KRT8: variants seen among roughly 807,000 people sequenced by gnomAD.
KRT8 encodes the protein keratin, type II cytoskeletal 8.
KRT8 carries 24 observed loss-of-function variants against 43.0 expected under a neutral mutation model. The ratio of observed to expected loss-of-function variants is 0.56; its 90% CI spans 0.40 to 0.78. The LOEUF is 0.78. Ranked by LOEUF, KRT8 falls within the 30% of genes least tolerant of loss-of-function variation. KRT8 has a pLI of 0.00. For missense variants in KRT8, 492 were observed against 638.4 expected, an observed-to-expected ratio of 0.77 and a Z score of 2.47; for synonymous variants, 214 against 261.2, an observed-to-expected ratio of 0.82 and a Z score of 1.74.
chr12:52,938,836 C>T (rs1942221779), intron 2 of KRT8, among the ~76,000 whole-genome samples: 1 of 152,040 alleles, frequency 6.6e-6, no homozygotes, highest in Non-Finnish European at 1.5e-5. Context: ...CCAGGATTGT[C>T]TTGATCTCCT....
chr12:52,910,918 T>C (rs931392540), upstream of KRT8, among the ~76,000 whole-genome samples: 8 of 152,284 alleles, frequency 5.3e-5, no homozygotes, highest in Non-Finnish European at 1.5e-5. Flanking sequence ...TGTATTCACC[T>C]TTTCATTTAT....
At chr12:52,943,348 G>A (rs1412035784) in intron 2 of KRT8, among the ~76,000 whole-genome samples, 1 of 152,124 alleles carries the variant, frequency 6.6e-6, no homozygotes, top group African/African-American at 2.4e-5. Flanking sequence ...TGATCCTTTT[G>A]TGCACCTGGC....
At chr12:52,913,119 C>T (rs939592527) in intron 2 of KRT8, among the ~76,000 whole-genome samples, 5 of 152,148 alleles carry the variant, frequency 3.3e-5, no homozygotes, top group South Asian at 2.1e-4. Context: ...GAGGCTCAGC[C>T]GAGGTTAATC....
At chr12:52,913,796 G>A (rs1036191670) in intron 2 of KRT8, among the ~76,000 whole-genome samples, 14 of 152,142 alleles carry the variant, frequency 9.2e-5, no homozygotes, top group African/African-American at 3.4e-4. Flanking sequence ...TCCTACGAAC[G>A]TCACACACAT....
At chr12:52,946,204 A>G (rs1320772494) in intron 2 of KRT8, among the ~76,000 whole-genome samples, 1 of 152,152 alleles carries the variant, frequency 6.6e-6, no homozygotes, top group Non-Finnish European at 1.5e-5. Context: ...GGACCTGGGA[A>G]TTAGCTTGGA....
chr12:52,914,698 A>G (rs952899539), intron 2 of KRT8, among the ~76,000 whole-genome samples: 4 of 152,250 alleles, frequency 2.6e-5, no homozygotes, highest in African/African-American at 9.6e-5. Context: ...ACTTAAGCAT[A>G]AAAAGATCAT....
rs1275941188 is a variant in KRT8 at position 52,897,510 on chromosome 12, GA to G, written c.1369del (p.Ser457ProfsTer7). 1 of 1,598,974 alleles carries G rather than the reference GA, an allele frequency of 6.3e-7. No homozygotes were observed. The highest frequency in any genetic ancestry group is 1.1e-5 in the South Asian group (1 of 91,038). The stretch of plus-strand genomic sequence containing the variant: ...CTTCTTCACAACCACGGCCCTGGAG[GA>G]GCTGGTGCGGCTGAAGGAGCTGGAG... On this transcript the variant is annotated frameshift_variant, in exon 8 of 8. Coordinates refer to ENST00000692008, the Ensembl canonical transcript of KRT8. LOFTEE classifies it high-confidence loss of function.
intron 2 of KRT8, among the ~76,000 whole-genome samples, chr12:52,917,412 GA>G (rs1479686928): frequency 1.4e-5 from 2 of 146,862 alleles, no homozygotes; most frequent in African/African-American, 2.5e-5. Flanking sequence ...AAAAAAAAAA[GA>G]AAAAAAAGAA....
At position 52,900,526 on chromosome 12, in the gene KRT8, T is replaced by C; in HGVS notation, c.690+62A>G. On this transcript the variant is annotated intron_variant, in intron 4 of 7. Coordinates refer to ENST00000692008, the Ensembl canonical transcript of KRT8. ...GGGCTGGGAGGAGCCTCTGGTTGAG[T>C]CTCAGGGTGGAGGCGCTGACAAGGC... 2.9e-6 allele frequency: 3 copies of C among 1,046,714 alleles called. No individual in the cohort carries two copies. In the Admixed American group the frequency reaches 5.1e-5, roughly 18 times the overall value. 64.8% of individuals were successfully genotyped at this position (1,046,714 alleles called of 1,614,324 possible). A position where few individuals can be genotyped will look rare whatever the true frequency, so the allele number is the denominator to read the frequency against.
At chr12:52,905,511 T>C (rs1297682946), upstream of KRT8, among the ~76,000 whole-genome samples, 1 of 152,068 alleles carries the variant, frequency 6.6e-6, no homozygotes, top group African/African-American at 2.4e-5. Flanking sequence ...TCTCCTGTGT[T>C]CTCCCTGATT....
intron 2 of KRT8, among the ~76,000 whole-genome samples, chr12:52,924,055 C>T (rs1350004423): frequency 6.6e-6 from 1 of 152,056 alleles, no homozygotes; most frequent in East Asian, 1.9e-4. Context: ...CCATGTTGGC[C>T]AGGCTGGCCT....
At chr12:52,932,472 G>A (rs1049049831) in intron 2 of KRT8, among the ~76,000 whole-genome samples, 4 of 152,040 alleles carry the variant, frequency 2.6e-5, no homozygotes, top group Non-Finnish European at 4.4e-5. Flanking sequence ...ACTTCTTTGT[G>A]TTTGTTTTTT....
intron 5 of KRT8, 59 bp downstream of exon 5, chr12:52,899,716 T>C (rs1565716562): frequency 2.7e-6 from 4 of 1,484,974 alleles, no homozygotes; most frequent in Non-Finnish European, 3.7e-6. Context: ...CTTCCTACAT[T>C]ATCTCCTCTC....
intron 2 of KRT8, among the ~76,000 whole-genome samples, chr12:52,921,339 G>A (rs556906385): frequency 2.8e-4 from 43 of 152,306 alleles, no homozygotes; most frequent in African/African-American, 9.9e-4. Context: ...GGAAGGCAAA[G>A]GAGGGAAAGC....
At chr12:52,945,395 C>T (rs939252398) in intron 2 of KRT8, among the ~76,000 whole-genome samples, 78 of 152,214 alleles carry the variant, frequency 5.1e-4, no homozygotes, top group African/African-American at 1.8e-3. Context: ...GAATCAGTCT[C>T]TCCCTGTTTT....
chr12:52,943,597 G>A (rs1054338042), intron 2 of KRT8, among the ~76,000 whole-genome samples: 4 of 152,228 alleles, frequency 2.6e-5, no homozygotes, highest in Admixed American at 2.6e-4. Flanking sequence ...CCTTGAGGGG[G>A]ATGCTCCAGG....
upstream of KRT8, chr12:52,906,604 C>T (rs1485926600): frequency 4.6e-6 from 2 of 434,024 alleles, no homozygotes; most frequent in South Asian, 1.7e-5. Context: ...GGGTGGAAGG[C>T]AGGAGGTTTA....
chr12:52,943,301 G>A (rs1398996808), intron 2 of KRT8, among the ~76,000 whole-genome samples: 1 of 152,074 alleles, frequency 6.6e-6, no homozygotes, highest in African/African-American at 2.4e-5. Context: ...AGGCTCCATC[G>A]CTCTACTGAA....
chr12:52,923,003 C>T (rs1017028734), intron 2 of KRT8, among the ~76,000 whole-genome samples: 1 of 152,168 alleles, frequency 6.6e-6, no homozygotes, highest in Non-Finnish European at 1.5e-5. Flanking sequence ...TCTGGGGAAG[C>T]TCAGGAAGCC....
Sources: allele counts gnomAD v4.1 joint callset (sites outside exome capture counted in the v4.1 genomes callset), GRCh38; gene constraint gnomAD v4.1.1; transcripts MANE v1.5; gene names NCBI Gene and HGNC (gene_info 2026-07-23, HGNC 2026-07-21).